Variants in TTI2 observed in about 807,000 individuals in gnomAD.
TTI2 encodes the protein TELO2-interacting protein 2.
In TTI2, 26 loss-of-function variants were observed where a neutral mutation model predicts 44.9. That is an observed-to-expected ratio of 0.58 (90% CI 0.42 to 0.80). The LOEUF (loss-of-function observed/expected upper bound fraction) is 0.80. Among genes scored for constraint, TTI2 ranks in the 30% least tolerant of loss-of-function variants. The pLI is 0.00. For missense variants in TTI2, 582 were observed against 611.6 expected, an observed-to-expected ratio of 0.95 and a Z score of 0.51; for synonymous variants, 254 against 250.9, an observed-to-expected ratio of 1.01 and a Z score of -0.12.
intron 5 of TTI2, 29 bp from the exon 6 acceptor site, chr8:33,503,601 A>C: frequency 6.2e-7 from 1 of 1,612,778 alleles, no homozygotes; most frequent in Non-Finnish European, 8.5e-7. Context: ...ATATGACGCC[A>C]GTGCAGTGGC....
intron 2 of TTI2, among the ~76,000 whole-genome samples, chr8:33,510,787 C>T (rs551475653): frequency 7.6e-5 from 11 of 145,582 alleles, no homozygotes; most frequent in African/African-American, 1.7e-4. Context: ...CTTTTAATTC[C>T]GTGTTCCTGG....
chr8:33,504,557 G>T (rs2732293), intron 4 of TTI2, among the ~76,000 whole-genome samples: 3,369 of 151,966 alleles, frequency 0.022, 62 homozygotes, highest in East Asian at 0.078. Context: ...TTTATCCCTA[G>T]GCCAGGGGTA....
rs1219210543 is a variant in TTI2 at position 33,503,806 on chromosome 8, C to G, written c.1057G>C (p.Glu353Gln). 8 of 1,614,018 alleles carry G rather than the reference C, an allele frequency of 5.0e-6. No homozygotes were observed. Among genetic ancestry groups the G allele is most frequent in the Non-Finnish European group, 6.8e-6 (8 of 1,180,044 alleles). The change falls in exon 5 of 8, where the codon GAG becomes CAG. Residue 353 changes from glutamate to glutamine, a missense_variant. Coordinates refer to ENST00000431156, the MANE Select transcript of TTI2 (RefSeq NM_001102401.4). ...GTCCTGCGTAAAAGAAGGCGGTGCT[C>G]TGGCTCCATGTGGGTCAGGATCAGC... ...LRLILTHMEP[E>Q]HRLLLRRTYA...
intron 4 of TTI2, 115 bp downstream of exon 4, chr8:33,507,114 C>T (rs777144721): frequency 6.3e-5 from 58 of 922,686 alleles, no homozygotes; most frequent in Non-Finnish European, 9.7e-5. Flanking sequence ...TTTTAGTTAT[C>T]ATCCTCACTT....
chr8:33,503,128 CAA>C (rs397973510), intron 6 of TTI2, among the ~76,000 whole-genome samples: 4 of 47,282 alleles, frequency 8.5e-5, no homozygotes, highest in African/African-American at 1.6e-4. Context: ...GACTCCATTT[CAA>C]AAAAAAAAAA....
At position 33,512,303 on chromosome 8, in the gene TTI2, T is replaced by G. The variant is rs766979115; in HGVS notation, c.311A>C (p.Asp104Ala). The change falls in exon 2 of 8, where the codon GAT becomes GCT. Residue 104 changes from aspartate to alanine, a missense_variant. Transcript: ENST00000431156. ...APSKEEEGGG[D>A]GHSEAAEKAA... is the part of the protein sequence containing the mutation. ...TTTCTCGGCCGCTTCGGAGTGCCCA[T>G]CACCTCCACCTTCCTCCTCCTTGGA... 53 of 1,614,042 alleles carry G rather than the reference T, an allele frequency of 3.3e-5. No homozygotes were observed. The highest frequency in any genetic ancestry group is 4.2e-5 in the Non-Finnish European group (49 of 1,180,050).
At chr8:33,504,703 G>C (rs990578231) in intron 4 of TTI2, among the ~76,000 whole-genome samples, 1 of 152,078 alleles carries the variant, frequency 6.6e-6, no homozygotes, top group Non-Finnish European at 1.5e-5. Flanking sequence ...TTTTAAGAAA[G>C]TTTACAGATT....
chr8:33,511,635 C>A (rs1223241255), intron 2 of TTI2, among the ~76,000 whole-genome samples: 4 of 152,078 alleles, frequency 2.6e-5, no homozygotes, highest in Non-Finnish European at 5.9e-5. Flanking sequence ...CGCCTGTAAT[C>A]CCAGCATTTT....
chr8:33,512,803 A>T, intron 1 of TTI2, 91 bp from the exon 2 acceptor site: 3 of 518,586 alleles, frequency 5.8e-6, no homozygotes, highest in Non-Finnish European at 9.5e-6. Flanking sequence ...TGAACCCGGG[A>T]GGCGGAGTTT....
chr8:33,500,092 C>CA (rs1317279710), intron 7 of TTI2: 3 of 470,930 alleles, frequency 6.4e-6, no homozygotes, highest in African/African-American at 5.9e-5. Context: ...TCCTTAGCCC[C>CA]AGTGACATGT....
At chr8:33,499,607 T>C in intron 7 of TTI2, 1 of 228,222 alleles carries the variant, frequency 4.4e-6, no homozygotes, top group South Asian at 6.7e-5. Context: ...TAAGATGAAA[T>C]AGTTTGAATA....
At chr8:33,503,610 G>GC (rs1346709158) in intron 5 of TTI2, 38 bp from the exon 6 acceptor site, 1 of 1,611,762 alleles carries the variant, frequency 6.2e-7, no homozygotes, top group South Asian at 1.1e-5. Flanking sequence ...CAGTGCAGTG[G>GC]CTCATGCCTG....
At chr8:33,500,651 C>G (rs1447434964) in intron 6 of TTI2, 161 bp from the exon 7 acceptor site, 15 of 777,472 alleles carry the variant, frequency 1.9e-5, no homozygotes, top group Non-Finnish European at 2.8e-5. Context: ...AAGACAGCCT[C>G]TAGATTTCTT....
At chr8:33,504,263 G>A (rs907368216) in intron 4 of TTI2, among the ~76,000 whole-genome samples, 5 of 137,754 alleles carry the variant, frequency 3.6e-5, no homozygotes, top group Admixed American at 2.2e-4. Flanking sequence ...AAGTCTAAGT[G>A]ACTTAGTGAT....
In TTI2 at chr8:33,512,448, C is replaced by T. The variant is rs759586004; in HGVS notation, c.166G>A (p.Gly56Ser). The T allele has an allele frequency of 3.1e-6, 5 of 1,613,946 alleles. No homozygotes were observed. The highest frequency in any genetic ancestry group is 3.4e-6 in the Non-Finnish European group (4 of 1,179,970). The stretch of plus-strand genomic sequence containing the variant: ...AATTCTGTGGCTTCTATTAGATCAC[C>T]GAGGTCTTTAAGAACTGCATCTTTT... ...NVKDAVLKDLGDLIEATEFDR... is the reference protein window; with the variant it reads ...NVKDAVLKDLSDLIEATEFDR... The change falls in exon 2 of 8, where the codon GGT becomes AGT. Residue 56 changes from glycine to serine, a missense_variant. Gly to Ser is a moderately conservative substitution (Grantham distance 56). Transcript: ENST00000431156.
rs1808981613 is a variant in TTI2 at position 33,499,435 on chromosome 8, T to C, written c.1423-158A>G. The C allele has an allele frequency of 2.0e-5, 12 of 611,172 alleles. No individual in the cohort carries two copies. The East Asian group carries it at 3.5e-4, about 18-fold the overall frequency. The allele number at this position is 611,172 out of a possible 1,614,324, so 37.9% of individuals were successfully genotyped here. A position where few individuals can be genotyped will look rare whatever the true frequency, so the allele number is the denominator to read the frequency against. ...GCAGAATAGGTATTAGTTGGTTTTT[T>C]ATTATTTTTAAATTTATATAGCTCT... On this transcript the variant is annotated intron_variant, in intron 7 of 7. Coordinates refer to ENST00000431156, the MANE Select transcript of TTI2 (RefSeq NM_001102401.4).
chr8:33,502,904 T>A (rs62511892), intron 6 of TTI2, among the ~76,000 whole-genome samples: 1 of 146,636 alleles, frequency 6.8e-6, no homozygotes, highest in Non-Finnish European at 1.5e-5. Context: ...CCAAGGCGGG[T>A]GGATTACAAG....
intron 6 of TTI2, among the ~76,000 whole-genome samples, chr8:33,501,866 A>G (rs1459093954): frequency 6.6e-6 from 1 of 152,194 alleles, no homozygotes; most frequent in Non-Finnish European, 1.5e-5. Context: ...CCAGTTCCTG[A>G]CACCTACCTC....
In TTI2 at chr8:33,498,777, G is replaced by A; in HGVS notation, c.*396C>T. 1 of 714,184 alleles carries A rather than the reference G, an allele frequency of 1.4e-6. No individual in the cohort carries two copies. The highest frequency in any genetic ancestry group is 2.0e-5 in the South Asian group (1 of 50,630). 44.2% of individuals were successfully genotyped at this position (714,184 alleles called of 1,614,324 possible). On this transcript the variant is annotated 3_prime_UTR_variant, in exon 8 of 8. Coordinates refer to ENST00000431156, the MANE Select transcript of TTI2 (RefSeq NM_001102401.4). ...TGTTTTTATTATTTATGCCACGTCA[G>A]TGGGGCAAGAAATCTGGAGTGAGTG...
Sources: allele counts gnomAD v4.1 joint callset (sites outside exome capture counted in the v4.1 genomes callset), GRCh38; gene constraint gnomAD v4.1.1; transcripts MANE v1.5; gene names NCBI Gene and HGNC (gene_info 2026-07-23, HGNC 2026-07-21).